Variants in FAM53A observed in about 807,000 individuals in gnomAD.
FAM53A encodes family with sequence similarity 53 member A.
A neutral mutation model predicts 26.6 loss-of-function variants in FAM53A; 28 were observed. That is an observed-to-expected ratio of 1.05 (90% CI 0.78 to 1.45). The LOEUF (loss-of-function observed/expected upper bound fraction) is 1.45. Ranked by LOEUF, FAM53A falls within the 40% of genes most tolerant of loss-of-function variation. The pLI, the probability that FAM53A is intolerant of heterozygous loss-of-function variation, is 0.00. For synonymous variants in FAM53A, 290 were observed against 253.1 expected (o/e 1.15, Z -1.38); for missense variants, 650 against 575.8 (o/e 1.13, Z -1.32).
chr4:1,578,352 A>G, the FAM53A span, among the ~76,000 whole-genome samples: 1 of 152,172 alleles, frequency 6.6e-6, no homozygotes, highest in Non-Finnish European at 1.5e-5. Flanking sequence ...TCTGCGTGCA[A>G]GTGCCAGGGG....
At chr4:1,647,407 G>T (rs1215516327) in intron 4 of FAM53A, among the ~76,000 whole-genome samples, 1 of 151,972 alleles carries the variant, frequency 6.6e-6, no homozygotes, top group Non-Finnish European at 1.5e-5. Flanking sequence ...CAAGGGAAAG[G>T]CAGGGAAGGC....
the FAM53A span, among the ~76,000 whole-genome samples, chr4:1,577,344 G>A: frequency 6.6e-6 from 1 of 152,214 alleles, no homozygotes; most frequent in Non-Finnish European, 1.5e-5. Context: ...GGCAGGGCCT[G>A]TGCTCAGGGC....
chr4:1,669,219 G>A (rs1216529403), intron 1 of FAM53A, among the ~76,000 whole-genome samples: 1 of 152,154 alleles, frequency 6.6e-6, no homozygotes, highest in East Asian at 1.9e-4. Flanking sequence ...AGGACATTCT[G>A]GAAGCTGGGA....
rs1241673395 is a variant in FAM53A, at chr4:1,656,838, A to G, written c.136+570T>C. ...GCGCTGGGCGTGTCACAGTCAGGTA[A>G]GCAGGGCCAACAGAGGGAGATGCCC... is the stretch of plus-strand genomic sequence containing the variant. On this transcript the variant is annotated intron_variant, in intron 3 of 4. Transcript: ENST00000308132. Among the ~76,000 whole-genome samples, 4 of 152,152 alleles carry G rather than the reference A, an allele frequency of 2.6e-5. No individual in the cohort carries two copies. The East Asian group carries it at 7.7e-4, about 29-fold the overall frequency.
chr4:1,648,162 TTATACCAC>T (rs1473693835), intron 4 of FAM53A, among the ~76,000 whole-genome samples: 1 of 152,064 alleles, frequency 6.6e-6, no homozygotes, highest in Non-Finnish European at 1.5e-5. Flanking sequence ...TGAGCTGTGA[TTATACCAC>T]TACACTCCAG....
intron 2 of FAM53A, among the ~76,000 whole-genome samples, chr4:1,660,897 A>T (rs893116114): frequency 1.3e-5 from 2 of 151,952 alleles, no homozygotes; most frequent in Admixed American, 1.3e-4. Flanking sequence ...AAAAAAACTA[A>T]AAGTTTTTTA....
intron 4 of FAM53A, among the ~76,000 whole-genome samples, chr4:1,648,223 C>T (rs907356088): frequency 1.3e-5 from 2 of 152,104 alleles, no homozygotes; most frequent in Non-Finnish European, 2.9e-5. Flanking sequence ...AAAAACAAAA[C>T]AAAACCAGGA....
intron 1 of FAM53A, among the ~76,000 whole-genome samples, chr4:1,633,706 G>C (rs937125230): frequency 6.6e-6 from 1 of 152,110 alleles, no homozygotes; most frequent in African/African-American, 2.4e-5. Context: ...CAACAGAGCG[G>C]GGAAGCAAGG....
downstream of FAM53A, among the ~76,000 whole-genome samples, chr4:1,635,328 G>T (rs765369879): frequency 2.6e-5 from 4 of 152,012 alleles, no homozygotes; most frequent in Non-Finnish European, 4.4e-5. Flanking sequence ...GGCTGGAGTG[G>T]AGTAGTGTGA....
At chr4:1,660,321 C>T (rs998837575) in intron 2 of FAM53A, among the ~76,000 whole-genome samples, 2 of 146,460 alleles carry the variant, frequency 1.4e-5, no homozygotes, top group African/African-American at 5.3e-5. Flanking sequence ...ACTTCAGGGC[C>T]GGACACAGGG....
At chr4:1,648,352 G>A (rs1712430955) in intron 4 of FAM53A, among the ~76,000 whole-genome samples, 1 of 152,190 alleles carries the variant, frequency 6.6e-6, no homozygotes, top group African/African-American at 2.4e-5. Context: ...GACAGGGAGA[G>A]GGGCACACAG....
chr4:1,598,361 C>T, the FAM53A span, among the ~76,000 whole-genome samples: 11 of 152,246 alleles, frequency 7.2e-5, no homozygotes, highest in African/African-American at 1.9e-4. Flanking sequence ...GCCCTTGGCC[C>T]GGAGGGGCAC....
rs376520001 is a variant in FAM53A at position 1,655,046 on chromosome 4, G to A, written c.814C>T (p.Arg272Cys). ...GCGTCCTCCTCACGCCTCCGTTTGCGCCGGCTCCTCTTCCCACTGAGCACG... is the reference window on the plus strand; with the variant it reads ...GCGTCCTCCTCACGCCTCCGTTTGCACCGGCTCCTCTTCCCACTGAGCACG... ...PCVLSGKRSR[R>C]KRRREEDARW... The change falls in exon 4 of 5, where the codon CGC (arginine) becomes TGC (cysteine). Residue 272 changes from arginine (R) to cysteine (C), a missense_variant. Physicochemically the swap from Arg to Cys is radical, Grantham distance 180. Coordinates refer to ENST00000308132, the MANE Select transcript of FAM53A (RefSeq NM_001174070.3). 131 of 1,585,862 alleles carry A rather than the reference G, an allele frequency of 8.3e-5. No homozygotes were observed. The highest frequency in any genetic ancestry group is 4.9e-4 in the African/African-American group (36 of 73,282).
chr4:1,641,699 G>T, intron 4 of FAM53A, 92 bp from the exon 5 acceptor site: 1 of 1,325,216 alleles, frequency 7.5e-7, no homozygotes. Context: ...GGTGTGCTGG[G>T]GCTCTGGCCA....
chr4:1,665,487 C>CA lies in FAM53A; in HGVS notation c.75+3179dup, dbSNP rs202247352. Among the ~76,000 whole-genome samples the CA allele has an allele frequency of 9.1e-3, 924 of 101,750 alleles. 8 individuals are homozygous for CA. Among genetic ancestry groups the CA allele is most frequent in the African/African-American group, 0.027 (716 of 26,588 alleles). 66.8% of individuals were successfully genotyped at this position (101,750 alleles called of 152,430 possible). A position where few individuals can be genotyped will look rare whatever the true frequency, so the allele number is the denominator to read the frequency against. On this transcript the variant is annotated intron_variant, in intron 2 of 4. Transcript: ENST00000308132. ...TCGGCAACAGGGCAAGACTCCATCT[C>CA]AAAAAAAAAAAAAAAGTAAAAAGAC...
At chr4:1,591,931 G>A in the FAM53A span, among the ~76,000 whole-genome samples, 2 of 152,220 alleles carry the variant, frequency 1.3e-5, no homozygotes, top group African/African-American at 2.4e-5. Flanking sequence ...CTTCTTGGGT[G>A]CAGGGTAGAA....
the FAM53A span, among the ~76,000 whole-genome samples, chr4:1,605,134 C>T: frequency 1.6e-4 from 24 of 152,352 alleles, no homozygotes; most frequent in African/African-American, 5.1e-4. The surrounding 1 kb of genome is among the most constrained non-coding windows in gnomAD (Gnocchi z 5.7). Context: ...CAAAGCTGAG[C>T]GGCTTCCACC....
chr4:1,608,846 A>G, the FAM53A span, among the ~76,000 whole-genome samples: 1 of 152,240 alleles, frequency 6.6e-6, no homozygotes, highest in East Asian at 1.9e-4. Context: ...TGAAATCAAT[A>G]TGGGTTCTGC....
chr4:1,619,633 G>A (rs1053016284), intron 1 of FAM53A, among the ~76,000 whole-genome samples: 6 of 150,062 alleles, frequency 4.0e-5, no homozygotes, highest in East Asian at 3.9e-4. Flanking sequence ...GACCACCCCC[G>A]CCCTTCATCT....
Sources: allele counts gnomAD v4.1 joint callset (sites outside exome capture counted in the v4.1 genomes callset), GRCh38; gene constraint gnomAD v4.1.1; non-coding constraint Gnocchi (gnomAD v3.1); transcripts MANE v1.5; gene names NCBI Gene and HGNC (gene_info 2026-07-23, HGNC 2026-07-21).